STK10: variants seen among roughly 807,000 people sequenced by gnomAD.
STK10 encodes serine/threonine-protein kinase 10.
In STK10, 78 loss-of-function variants were observed where a neutral mutation model predicts 113.8. That is an observed-to-expected ratio of 0.69 (90% CI 0.57 to 0.83). The LOEUF (loss-of-function observed/expected upper bound fraction) is 0.83, where lower values mean the gene tolerates loss of function less well. STK10 is among the 40% of genes least tolerant of loss of function. The pLI is 0.00. For synonymous variants in STK10, 465 were observed against 494.7 expected (o/e 0.94, Z 0.80); for missense variants, 1,109 against 1,280.1 (o/e 0.87, Z 2.04).
At chr5:172,107,161 C>G (rs544857926) in intron 5 of STK10, 13 of 234,684 alleles carry the variant, frequency 5.5e-5, no homozygotes, top group African/African-American at 3.0e-4. Context: ...GACACCAGCA[C>G]AGAGAGGAGA....
At chr5:172,072,235 A>G (rs1465183929) in intron 12 of STK10, among the ~76,000 whole-genome samples, 1 of 152,050 alleles carries the variant, frequency 6.6e-6, no homozygotes, top group African/African-American at 2.4e-5. Context: ...TTGGCATACT[A>G]GGAATAGGAG....
rs563038114 is a variant in STK10, at chr5:172,055,702, C to T, written c.2412G>A (p.Ala804=). 1.1e-5 allele frequency: 18 copies of T among 1,582,380 alleles called. No homozygotes were observed. The highest frequency in any genetic ancestry group is 5.4e-5 in the African/African-American group (4 of 73,996). The stretch of plus-strand genomic sequence containing the variant: ...CACTCCTCTGGATCTTGGGCAGCCG[C>T]GCCTTTTCCTGTTGCTGCCGCACCT... The part of the protein sequence containing the change: ...QLKVRQQQEK[A]RLPKIQRSEG... The change falls in exon 16 of 19, where the codon GCG becomes GCA. Residue 804 remains alanine (A), a synonymous_variant. Coordinates refer to ENST00000176763, the MANE Select transcript of STK10 (RefSeq NM_005990.4).
In STK10 at chr5:172,090,381, T is replaced by G. The variant is rs1232585326; in HGVS notation, c.1555-19A>C. ...TCGGGTCCTGGCCAGGGAAAACCAT[T>G]AGACAAGTCTCAGCATTTCAGCTAA... On this transcript the variant is annotated intron_variant, in intron 9 of 18. Coordinates refer to ENST00000176763, the MANE Select transcript of STK10 (RefSeq NM_005990.4). The G allele has an allele frequency of 6.2e-7, 1 of 1,611,726 alleles. No individual in the cohort carries two copies. The highest frequency in any genetic ancestry group is 1.7e-5 in the Admixed American group (1 of 59,762).
intron 15 of STK10, chr5:172,057,004 G>GGAAA (rs57276469): frequency 0.057 from 4,181 of 73,362 alleles, 187 homozygotes; most frequent in South Asian, 0.093. Context: ...AGAGAAAGAA[G>GGAAA]GAAAGAAAGA....
intron 1 of STK10, among the ~76,000 whole-genome samples, chr5:172,182,316 A>G (rs1770871795): frequency 6.6e-6 from 1 of 151,268 alleles, no homozygotes; most frequent in Non-Finnish European, 1.5e-5. Flanking sequence ...GGGAAAAAAA[A>G]AAAAAAAAAA....
intron 12 of STK10, among the ~76,000 whole-genome samples, chr5:172,081,553 C>T (rs528318359): frequency 2.1e-3 from 326 of 152,222 alleles, no homozygotes; most frequent in African/African-American, 7.5e-3. Context: ...CCTAAGGTGA[C>T]TGCCTCAACT....
intron 18 of STK10, among the ~76,000 whole-genome samples, chr5:172,049,437 C>T (rs1767578474): frequency 6.6e-6 from 1 of 152,046 alleles, no homozygotes; most frequent in Admixed American, 6.6e-5. Flanking sequence ...GCAAGGGGAA[C>T]AGGCTGGGCA....
chr5:172,064,787 G>A lies in STK10; in HGVS notation c.2015C>T (p.Pro672Leu). 2 of 1,614,114 alleles carry A rather than the reference G, an allele frequency of 1.2e-6. No homozygotes were observed. The highest frequency in any genetic ancestry group is 1.7e-6 in the Non-Finnish European group (2 of 1,180,014). Residue 672 changes from proline to leucine, a missense_variant, in exon 13 of 19, where the codon CCC becomes CTC. Physicochemically the swap from Pro to Leu is moderately conservative, Grantham distance 98. This residue lies in a region of STK10 where 885 missense variants were observed against 991.1 expected (regional missense o/e 0.89). Coordinates refer to ENST00000176763, the MANE Select transcript of STK10 (RefSeq NM_005990.4). ...KEVKNEVEKL[P>L]RQQRKESMKQ... ...CATGCTTTCCTTCCGCTGCTGTCGG[G>A]GGAGCTTCTCCACCTCGTTCTTCAC...
chr5:172,077,392 T>C (rs1419619660), intron 12 of STK10, among the ~76,000 whole-genome samples: 1 of 152,246 alleles, frequency 6.6e-6, no homozygotes, highest in Non-Finnish European at 1.5e-5. Context: ...AGACTGGTTA[T>C]ATTTGTTTTC....
At chr5:172,156,095 GT>G (rs1241522572) in intron 2 of STK10, among the ~76,000 whole-genome samples, 3 of 152,144 alleles carry the variant, frequency 2.0e-5, no homozygotes, top group Non-Finnish European at 4.4e-5. Context: ...TAGCGGGCTG[GT>G]AAAGAGCCCC....
intron 2 of STK10, among the ~76,000 whole-genome samples, chr5:172,130,014 C>T (rs1769715197): frequency 6.6e-6 from 1 of 152,114 alleles, no homozygotes; most frequent in Admixed American, 6.5e-5. Flanking sequence ...CTGTGAAAGC[C>T]ATCCTCTCCC....
intron 10 of STK10, 92 bp from the exon 11 acceptor site, chr5:172,083,176 T>C (rs10516093): frequency 0.16 from 242,662 of 1,564,096 alleles, 19,999 homozygotes; most frequent in African/African-American, 0.26. Flanking sequence ...GGTTGGATCA[T>C]GGAGCAAAAT....
chr5:172,064,057 G>A (rs1015498595), intron 13 of STK10, among the ~76,000 whole-genome samples: 1 of 152,114 alleles, frequency 6.6e-6, no homozygotes, highest in African/African-American at 2.4e-5. Flanking sequence ...GGGGGGAAGG[G>A]TGCTATTATC....
At chr5:172,151,290 T>C (rs73329622) in intron 2 of STK10, among the ~76,000 whole-genome samples, 12,603 of 152,100 alleles carry the variant, frequency 0.083, 1,215 homozygotes, top group East Asian at 0.22. Flanking sequence ...AGGAGACGGA[T>C]TGCGAACCTG....
At chr5:172,073,430 G>A (rs1214433739) in intron 12 of STK10, among the ~76,000 whole-genome samples, 7 of 152,038 alleles carry the variant, frequency 4.6e-5, no homozygotes, top group Admixed American at 6.6e-5. Context: ...GGGATTACAG[G>A]TATGAGTCAC....
intron 18 of STK10, among the ~76,000 whole-genome samples, chr5:172,049,924 G>A (rs1422754659): frequency 3.3e-5 from 5 of 152,068 alleles, no homozygotes; most frequent in African/African-American, 4.8e-5. Flanking sequence ...TGCCTCAGCC[G>A]CCCAAGTATC....
chr5:172,187,348 C>T lies in STK10; in HGVS notation c.156+539G>A, dbSNP rs1398371080. On this transcript the variant is annotated intron_variant, in intron 1 of 18. Transcript: ENST00000176763. This position sits in a 1 kb window ranked among gnomAD's most constrained non-coding sequence, Gnocchi z 4.6. ...CAACCCACCTTTCCAAGCCCCACCT[C>T]TCAGTCCATGGGCCACCCCTCGCCC... Among the ~76,000 whole-genome samples, 1 of 152,102 alleles carries T rather than the reference C, an allele frequency of 6.6e-6. No individual in the cohort carries two copies. The highest frequency in any genetic ancestry group is 1.5e-5 in the Non-Finnish European group (1 of 68,028).
At chr5:172,164,506 G>A (rs550887734) in intron 1 of STK10, among the ~76,000 whole-genome samples, 4 of 152,252 alleles carry the variant, frequency 2.6e-5, no homozygotes, top group South Asian at 4.2e-4. Flanking sequence ...TGAAGTCACC[G>A]GCCCAAGGTC....
chr5:172,186,176 A>G (rs1190989774), intron 1 of STK10, among the ~76,000 whole-genome samples: 1 of 152,118 alleles, frequency 6.6e-6, no homozygotes, highest in Non-Finnish European at 1.5e-5. Context: ...TGGGAGGCTG[A>G]GGTAGGAGAA....
Sources: allele counts gnomAD v4.1 joint callset (sites outside exome capture counted in the v4.1 genomes callset), GRCh38; gene constraint gnomAD v4.1.1; regional missense constraint gnomAD v4.1.1; non-coding constraint Gnocchi (gnomAD v3.1); transcripts MANE v1.5; gene names NCBI Gene and HGNC (gene_info 2026-07-23, HGNC 2026-07-21).